NHS: variants seen among roughly 807,000 people sequenced by gnomAD.
NHS encodes the protein NHS actin remodeling regulator.
In NHS, 5 loss-of-function variants were observed where a neutral mutation model predicts 72.5. The ratio of observed to expected loss-of-function variants is 0.07; its 90% CI spans 0.04 to 0.14. The LOEUF (loss-of-function observed/expected upper bound fraction) is 0.14, where lower values mean the gene tolerates loss of function less well. Ranked by LOEUF, NHS falls within the 10% of genes least tolerant of loss-of-function variation. The pLI, the probability that NHS is intolerant of heterozygous loss-of-function variation, is 1.00. For missense variants in NHS, 1,072 were observed against 1,355.7 expected (o/e 0.79, Z 3.29); for synonymous variants, 464 against 547.7 (o/e 0.85, Z 2.13).
At chrX:17,546,344 G>T (rs758924562) in intron 1 of NHS, among the ~76,000 whole-genome samples, 2 of 112,313 alleles carry the variant, frequency 1.8e-5, no homozygotes, top group African/African-American at 6.5e-5. Flanking sequence ...CAGAAATGAG[G>T]TGTGCAGAGT....
chrX:17,729,534 T>A (rs2066473501), intron 8 of NHS, among the ~76,000 whole-genome samples: 1 of 112,284 alleles, frequency 8.9e-6, no homozygotes, highest in Admixed American at 9.4e-5. Context: ...TCCCCAAAAT[T>A]AATGCCCATA....
intron 1 of NHS, among the ~76,000 whole-genome samples, chrX:17,515,370 AG>A (rs5901617): frequency 0.056 from 6,225 of 112,058 alleles, 464 homozygotes; most frequent in African/African-American, 0.19. Context: ...ATTCATGTAT[AG>A]GATAAATGGT....
intron 3 of NHS, among the ~76,000 whole-genome samples, chrX:17,704,817 G>C (rs1199318397): frequency 8.9e-6 from 1 of 111,976 alleles, no homozygotes; most frequent in Non-Finnish European, 1.9e-5. Flanking sequence ...ATATTCAATA[G>C]GCACAGCTTG....
intron 4 of NHS, among the ~76,000 whole-genome samples, chrX:17,719,656 T>G (rs1158804588): frequency 9.0e-6 from 1 of 111,128 alleles, no homozygotes; most frequent in Non-Finnish European, 1.9e-5. Flanking sequence ...AACACTACTC[T>G]TGGACTTTGT....
intron 1 of NHS, among the ~76,000 whole-genome samples, chrX:17,627,573 C>T (rs1007420): frequency 0.27 from 30,216 of 111,446 alleles, 7,626 homozygotes; most frequent in African/African-American, 0.8. Context: ...ACACTAAAGG[C>T]ACCAGAGTCA....
intron 1 of NHS, among the ~76,000 whole-genome samples, chrX:17,575,144 G>A (rs1209661352): frequency 8.9e-6 from 1 of 112,495 alleles, no homozygotes; most frequent in Non-Finnish European, 1.9e-5. Context: ...GTTTGCTGCA[G>A]TCCATTCTGC....
intron 1 of NHS, chrX:17,586,213 C>T (rs1369588826): frequency 9.0e-6 from 1 of 111,146 alleles, no homozygotes; most frequent in African/African-American, 3.3e-5. Context: ...TGTTGGTGGT[C>T]TGAGAGCAGT....
rs572693401 is a variant in NHS, at chrX:17,556,375, C to G, written c.566-131367C>G. Among the ~76,000 whole-genome samples the G allele has an allele frequency of 2.7e-4, 30 of 113,051 alleles. No homozygotes were observed. The South Asian group carries it at 0.011, about 41-fold the overall frequency. ...GCTGGAGCAAGAAGCGAAGGCTGCA[C>G]AGACCACGCAAATGGCCATGCCAGG... is the stretch of plus-strand genomic sequence containing the variant. On this transcript the variant is annotated intron_variant, in intron 1 of 8. Transcript: ENST00000676302.
chrX:17,538,311 A>G (rs747479470), intron 1 of NHS, among the ~76,000 whole-genome samples: 8 of 111,886 alleles, frequency 7.2e-5, no homozygotes, highest in African/African-American at 2.6e-4. Flanking sequence ...CAGACATGAC[A>G]TGAGGAATGG....
At chrX:17,538,142 C>G (rs147159532) in intron 1 of NHS, among the ~76,000 whole-genome samples, 86 of 111,773 alleles carry the variant, frequency 7.7e-4, no homozygotes, top group African/African-American at 2.7e-3. Context: ...TTCTTGAGTT[C>G]AGATTTCAGG....
intron 1 of NHS, among the ~76,000 whole-genome samples, chrX:17,577,976 C>G (rs184823419): frequency 1.8e-5 from 2 of 112,276 alleles, no homozygotes; most frequent in Non-Finnish European, 3.8e-5. Flanking sequence ...GATATAACTT[C>G]CAGCTATTCA....
chrX:17,605,655 G>A (rs1484693965), intron 1 of NHS, among the ~76,000 whole-genome samples: 3 of 110,731 alleles, frequency 2.7e-5, no homozygotes, highest in African/African-American at 6.6e-5. Context: ...GCCAAGGAGC[G>A]CCATTCCTCT....
intron 1 of NHS, among the ~76,000 whole-genome samples, chrX:17,609,750 T>C (rs1225591094): frequency 9.0e-6 from 1 of 111,309 alleles, no homozygotes; most frequent in African/African-American, 3.3e-5. Flanking sequence ...AAGGGGACCA[T>C]TGATCTATGG....
intron 1 of NHS, among the ~76,000 whole-genome samples, chrX:17,636,511 G>T (rs768581522): frequency 2.7e-5 from 3 of 112,374 alleles, no homozygotes; most frequent in African/African-American, 9.7e-5. Flanking sequence ...TCTGCAGGAG[G>T]TGGCCAGTGT....
chrX:17,589,467 A>T (rs1280629654), intron 1 of NHS, among the ~76,000 whole-genome samples: 1 of 112,030 alleles, frequency 8.9e-6, no homozygotes, highest in Admixed American at 9.5e-5. Flanking sequence ...CTCCAATCTC[A>T]TCCAGGTAGC....
At chrX:17,636,043 C>T (rs1258871011) in intron 1 of NHS, among the ~76,000 whole-genome samples, 2 of 112,302 alleles carry the variant, frequency 1.8e-5, no homozygotes, top group African/African-American at 6.5e-5. Context: ...GGAAGGGGCC[C>T]CATCCTGCAT....
rs1407621580 is a variant in NHS at position 17,732,930 on chromosome X, G to C, written c.*466G>C. 2 of 144,448 alleles carry C rather than the reference G, an allele frequency of 1.4e-5. No individual in the cohort carries two copies. Among genetic ancestry groups the C allele is most frequent in the Non-Finnish European group, 2.8e-5 (2 of 72,712 alleles). The allele number at this position is 144,448 out of a possible 1,213,427, so 11.9% of individuals were successfully genotyped here. A position where few individuals can be genotyped will look rare whatever the true frequency, so the allele number is the denominator to read the frequency against. ...ACACATATGTAAATACCATATTTTT[G>C]ATAAAAATGTGTAAATAGATTTATC... On this transcript the variant is annotated 3_prime_UTR_variant, in exon 9 of 9. Transcript: ENST00000676302.
intron 1 of NHS, among the ~76,000 whole-genome samples, chrX:17,556,866 C>G (rs770030258): frequency 3.6e-5 from 4 of 110,245 alleles, no homozygotes; most frequent in Admixed American, 9.8e-5. Flanking sequence ...TTTCATATGA[C>G]TTAACAAAAT....
chrX:17,699,360 T>C (rs922865294), intron 3 of NHS, among the ~76,000 whole-genome samples: 3 of 111,799 alleles, frequency 2.7e-5, no homozygotes, highest in Non-Finnish European at 3.8e-5. Context: ...TAGACAGATA[T>C]ATCAGTAGAA....
Sources: gnomAD v4.1 joint callset for allele counts (sites outside exome capture counted in the v4.1 genomes callset) on GRCh38, gnomAD v4.1.1 for gene constraint, MANE v1.5 for transcripts, NCBI Gene and HGNC (gene_info 2026-07-23, HGNC 2026-07-21) for gene names.